BBS9: variants seen among roughly 807,000 people sequenced by gnomAD.
BBS9 encodes the protein protein PTHB1.
BBS9 carries 89 observed loss-of-function variants against 117.7 expected under a neutral mutation model. The ratio of observed to expected loss-of-function variants is 0.76; its 90% CI spans 0.64 to 0.90. BBS9 has a LOEUF of 0.90. BBS9 is among the 40% of genes least tolerant of loss of function. The pLI is 0.00. For synonymous variants in BBS9, 379 were observed against 370.9 expected, an observed-to-expected ratio of 1.02 and a Z score of -0.25; for missense variants, 982 against 1,042.2, an observed-to-expected ratio of 0.94 and a Z score of 0.80.
rs1326969214 is a variant in BBS9, at chr7:33,308,696, G to T, written c.1017-27745G>T. Among the ~76,000 whole-genome samples, 3 of 152,170 alleles carry T rather than the reference G, an allele frequency of 2.0e-5. No individual in the cohort carries two copies. In the East Asian group the frequency reaches 5.8e-4, roughly 29 times the overall value. On this transcript the variant is annotated intron_variant, in intron 9 of 22. Coordinates refer to ENST00000242067, the MANE Select transcript of BBS9 (RefSeq NM_198428.3). Reference sequence around the variant, plus strand: ...ATGATTGTGGCAGTTTTCAAGAGATGAATAGATCTCTCCTTGGAATTTTGA... The same window carrying T: ...ATGATTGTGGCAGTTTTCAAGAGATTAATAGATCTCTCCTTGGAATTTTGA...
At position 33,364,191 on chromosome 7, in the gene BBS9, G is replaced by A. The variant is rs374042417; in HGVS notation, c.1694-3576G>A. On this transcript the variant is annotated intron_variant, in intron 16 of 22. Transcript: ENST00000242067. Reference sequence around the variant, plus strand: ...TCTCGATCTCCTGACCTCGTGATCCGCCCGCCTCGGCCTCCCAAAGTGCTG... The same window carrying A: ...TCTCGATCTCCTGACCTCGTGATCCACCCGCCTCGGCCTCCCAAAGTGCTG... Among the ~76,000 whole-genome samples, 796 of 138,392 alleles carry A rather than the reference G, an allele frequency of 5.8e-3. 273 individuals are homozygous for A. The highest frequency in any genetic ancestry group is 0.02 in the African/African-American group (729 of 36,404). The allele number at this position is 138,392 out of a possible 152,430, so 90.8% of individuals were successfully genotyped here.
At chr7:33,592,523 A>G (rs1862098397) in intron 21 of BBS9, among the ~76,000 whole-genome samples, 1 of 152,056 alleles carries the variant, frequency 6.6e-6, no homozygotes, top group Non-Finnish European at 1.5e-5. Flanking sequence ...ATATCGCTAG[A>G]TAGTAGAGTT....
intron 9 of BBS9, among the ~76,000 whole-genome samples, chr7:33,286,504 C>T (rs568441120): frequency 2.0e-5 from 3 of 152,222 alleles, no homozygotes; most frequent in Admixed American, 6.5e-5. Flanking sequence ...TTTCTCCTTA[C>T]TTCAGATAGT....
intron 9 of BBS9, among the ~76,000 whole-genome samples, chr7:33,318,929 C>A (rs989082960): frequency 1.3e-5 from 2 of 152,104 alleles, no homozygotes; most frequent in Admixed American, 1.3e-4. Flanking sequence ...CTTTGGGAGG[C>A]CAGTGTGGGC....
At chr7:33,486,442 A>G (rs1843124127) in intron 19 of BBS9, among the ~76,000 whole-genome samples, 1 of 152,246 alleles carries the variant, frequency 6.6e-6, no homozygotes, top group Non-Finnish European at 1.5e-5. Context: ...AATTTGTTTA[A>G]ATCAAATTGT....
intron 19 of BBS9, among the ~76,000 whole-genome samples, chr7:33,494,246 G>A (rs1313907994): frequency 6.6e-6 from 1 of 152,054 alleles, no homozygotes; most frequent in Non-Finnish European, 1.5e-5. Context: ...CAGGGGTGCA[G>A]ATAAACTTCA....
intron 9 of BBS9, among the ~76,000 whole-genome samples, chr7:33,332,474 C>T (rs1208564504): frequency 6.6e-6 from 1 of 152,208 alleles, no homozygotes; most frequent in Non-Finnish European, 1.5e-5. Context: ...GTCAGGAGTT[C>T]GAGACCAGCC....
chr7:33,597,878 A>C (rs531459099), intron 21 of BBS9, among the ~76,000 whole-genome samples: 27 of 151,830 alleles, frequency 1.8e-4, no homozygotes, highest in African/African-American at 6.0e-4. Context: ...ATACCAAAAA[A>C]AAAAAAAAAC....
At chr7:33,279,402 G>T in intron 9 of BBS9, among the ~76,000 whole-genome samples, 1 of 152,176 alleles carries the variant, frequency 6.6e-6, no homozygotes, top group East Asian at 1.9e-4. Context: ...GAAGTTATTT[G>T]AAATTGACAG....
At chr7:33,147,183 AC>A (rs1203878359) in intron 2 of BBS9, among the ~76,000 whole-genome samples, 1 of 152,114 alleles carries the variant, frequency 6.6e-6, no homozygotes. Flanking sequence ...TTTTTAAGTG[AC>A]CTTTCAAACA....
chr7:33,610,038 C>CT (rs1864778395), downstream of BBS9, among the ~76,000 whole-genome samples: 1 of 151,984 alleles, frequency 6.6e-6, no homozygotes, highest in Non-Finnish European at 1.5e-5. Context: ...ATTAAAATGT[C>CT]TTTTTTCAAA....
intron 16 of BBS9, among the ~76,000 whole-genome samples, chr7:33,358,197 G>C (rs993215764): frequency 4.6e-5 from 7 of 151,646 alleles, no homozygotes; most frequent in African/African-American, 1.7e-4. Flanking sequence ...TTCCTTTTAA[G>C]TTTGATTAAA....
intron 9 of BBS9, among the ~76,000 whole-genome samples, chr7:33,297,385 A>G (rs1278843200): frequency 2.6e-5 from 4 of 152,206 alleles, no homozygotes; most frequent in Admixed American, 2.6e-4. Context: ...AAGTTTCTGT[A>G]TGACTAAAGA....
intron 19 of BBS9, among the ~76,000 whole-genome samples, chr7:33,439,426 A>T (rs938537228): frequency 1.3e-5 from 2 of 151,742 alleles, no homozygotes; most frequent in Admixed American, 6.6e-5. Flanking sequence ...GATTTCATAG[A>T]TTTCTACATT....
intron 19 of BBS9, among the ~76,000 whole-genome samples, chr7:33,469,364 T>C (rs896837586): frequency 7.2e-5 from 11 of 152,172 alleles, no homozygotes; most frequent in African/African-American, 2.4e-4. Flanking sequence ...CAGATATCTC[T>C]ATATTTGGAC....
intron 5 of BBS9, among the ~76,000 whole-genome samples, chr7:33,201,957 G>A (rs1429893551): frequency 1.3e-5 from 2 of 152,062 alleles, no homozygotes; most frequent in African/African-American, 4.8e-5. Context: ...ACAGAAGCTC[G>A]GCTGTAAGTG....
chr7:33,488,988 CTTT>C lies in BBS9; in HGVS notation c.2116-16455_2116-16453del, dbSNP rs869216155. On this transcript the variant is annotated intron_variant, in intron 19 of 22. Transcript: ENST00000242067. The stretch of plus-strand genomic sequence containing the variant: ...ACCAGATAACATTCAGGACAGACTT[CTTT>C]TTTTTTTTTTTTTTTTTTTGAGATG... Among the ~76,000 whole-genome samples, 480 of 103,300 alleles carry C rather than the reference CTTT, an allele frequency of 4.6e-3. 4 individuals carry two copies. The highest frequency in any genetic ancestry group is 0.017 in the African/African-American group (434 of 26,114). 67.8% of individuals were successfully genotyped at this position (103,300 alleles called of 152,430 possible). A position where few individuals can be genotyped will look rare whatever the true frequency, so the allele number is the denominator to read the frequency against.
chr7:33,211,067 A>G (rs562462978), intron 5 of BBS9, among the ~76,000 whole-genome samples: 130 of 152,162 alleles, frequency 8.5e-4, no homozygotes, highest in Middle Eastern at 3.4e-3. Flanking sequence ...GTATCTTTTT[A>G]GGTGAAGTGT....
At chr7:33,458,840 T>C (rs1425821406) in intron 19 of BBS9, among the ~76,000 whole-genome samples, 1 of 152,142 alleles carries the variant, frequency 6.6e-6, no homozygotes, top group Admixed American at 6.6e-5. Context: ...GTTTTATTAG[T>C]AGCAGAAAAG....
Sources: gnomAD v4.1 joint callset for allele counts (sites outside exome capture counted in the v4.1 genomes callset) on GRCh38, gnomAD v4.1.1 for gene constraint, MANE v1.5 for transcripts, NCBI Gene and HGNC (gene_info 2026-07-23, HGNC 2026-07-21) for gene names.